Variants in CNTN3 observed in about 807,000 individuals in gnomAD.
CNTN3 encodes contactin-3.
In CNTN3, 60 loss-of-function variants were observed where a neutral mutation model predicts 119.1. The observed-to-expected ratio is 0.50, with a 90% CI of 0.41 to 0.62. The LOEUF is 0.62. Ranked by LOEUF, CNTN3 falls within the 20% of genes least tolerant of loss-of-function variation. The pLI is 0.00. For missense variants in CNTN3, 1,101 were observed against 1,242.4 expected, an observed-to-expected ratio of 0.89 and a Z score of 1.71; for synonymous variants, 450 against 438.7, an observed-to-expected ratio of 1.03 and a Z score of -0.32.
At chr3:74,434,935 A>G (rs1227625937) in intron 4 of CNTN3, among the ~76,000 whole-genome samples, 1 of 152,086 alleles carries the variant, frequency 6.6e-6, no homozygotes, top group African/African-American at 2.4e-5. Flanking sequence ...TCCAATTGCC[A>G]TCTCATATTT....
chr3:74,465,249 C>T (rs9862571), intron 4 of CNTN3, among the ~76,000 whole-genome samples: 82,138 of 151,866 alleles, frequency 0.54, 22,585 homozygotes, highest in Non-Finnish European at 0.57. Flanking sequence ...TGTTCCATTC[C>T]GGGGATACAA....
chr3:74,607,754 T>C (rs1038503346), intron 1 of CNTN3, among the ~76,000 whole-genome samples: 3 of 152,216 alleles, frequency 2.0e-5, no homozygotes, highest in African/African-American at 7.2e-5. Context: ...AAGTGGAATT[T>C]TTCAATGCTA....
chr3:74,329,794 T>C (rs1004257018), intron 13 of CNTN3, among the ~76,000 whole-genome samples: 2 of 152,190 alleles, frequency 1.3e-5, no homozygotes, highest in Non-Finnish European at 2.9e-5. Context: ...TGCTTAAATA[T>C]AGGTATAATA....
chr3:74,314,905 C>A (rs151101231), intron 13 of CNTN3, among the ~76,000 whole-genome samples: 130 of 152,242 alleles, frequency 8.5e-4, no homozygotes, highest in African/African-American at 3.1e-3. Flanking sequence ...AGGCTGAGAC[C>A]TTCTGTACTG....
intron 1 of CNTN3, among the ~76,000 whole-genome samples, chr3:74,604,886 A>G (rs1392787921): frequency 6.6e-6 from 1 of 152,188 alleles, no homozygotes; most frequent in Non-Finnish European, 1.5e-5. Flanking sequence ...TAGCCAAGAT[A>G]TTCAATACAA....
At chr3:74,415,648 T>C (rs1343847933) in intron 5 of CNTN3, among the ~76,000 whole-genome samples, 2 of 152,164 alleles carry the variant, frequency 1.3e-5, no homozygotes, top group Non-Finnish European at 2.9e-5. Context: ...CAGAATGATA[T>C]ACAGACACAA....
chr3:74,334,644 A>G, intron 13 of CNTN3, 91 bp downstream of exon 13: 2 of 1,142,508 alleles, frequency 1.8e-6, no homozygotes, highest in Non-Finnish European at 2.5e-6. Context: ...AAACATTTCT[A>G]GAGCATTGTC....
intron 19 of CNTN3, among the ~76,000 whole-genome samples, chr3:74,289,098 C>T (rs1037502713): frequency 6.6e-6 from 1 of 152,204 alleles, no homozygotes; most frequent in African/African-American, 2.4e-5. Context: ...AAGTTAGCCA[C>T]ACGACTGATA....
chr3:74,388,168 G>C (rs1704803806), intron 5 of CNTN3, among the ~76,000 whole-genome samples: 1 of 152,046 alleles, frequency 6.6e-6, no homozygotes, highest in Non-Finnish European at 1.5e-5. Context: ...AATCATCCTA[G>C]TGTTTCTCAA....
At chr3:74,587,224 A>G (rs1329105602) in intron 1 of CNTN3, among the ~76,000 whole-genome samples, 3 of 152,164 alleles carry the variant, frequency 2.0e-5, no homozygotes, top group Admixed American at 6.5e-5. Flanking sequence ...AGGAAGCCCA[A>G]TTGAGTTCAA....
intron 20 of CNTN3, among the ~76,000 whole-genome samples, chr3:74,269,109 T>C (rs2106746358): frequency 1.3e-5 from 2 of 152,032 alleles, no homozygotes; most frequent in East Asian, 3.9e-4. Flanking sequence ...AACTTTGTTC[T>C]TTTTGAATCA....
At chr3:74,400,213 G>C (rs1394684785) in intron 5 of CNTN3, among the ~76,000 whole-genome samples, 2 of 152,072 alleles carry the variant, frequency 1.3e-5, no homozygotes, top group Non-Finnish European at 2.9e-5. Flanking sequence ...TTAACATAAG[G>C]CTCTTTCTTC....
intron 20 of CNTN3, among the ~76,000 whole-genome samples, chr3:74,278,418 C>G (rs965459325): frequency 6.6e-6 from 1 of 152,004 alleles, no homozygotes; most frequent in South Asian, 2.1e-4. Context: ...GAGCATAGAC[C>G]AATGGAGCAG....
chr3:74,593,016 G>A (rs1321730448), intron 1 of CNTN3, among the ~76,000 whole-genome samples: 1 of 151,920 alleles, frequency 6.6e-6, no homozygotes, highest in Admixed American at 6.6e-5. Context: ...AAACGAATAT[G>A]CAAATTGACT....
intron 16 of CNTN3, among the ~76,000 whole-genome samples, chr3:74,300,429 C>T (rs1450713030): frequency 6.6e-6 from 1 of 152,146 alleles, no homozygotes; most frequent in Non-Finnish European, 1.5e-5. Context: ...GAACTCTAGG[C>T]TTAGTGAACC....
intron 4 of CNTN3, among the ~76,000 whole-genome samples, chr3:74,452,810 G>T (rs1702185537): frequency 6.6e-6 from 1 of 151,782 alleles, no homozygotes; most frequent in Admixed American, 6.6e-5. Context: ...TTATATGCTG[G>T]ATTACATTTA....
rs555740649 is a variant in CNTN3 at position 74,319,415 on chromosome 3, A to T, written c.1668+15320T>A. Among the ~76,000 whole-genome samples, 19 of 152,310 alleles carry T rather than the reference A, an allele frequency of 1.2e-4. No individual in the cohort carries two copies. The East Asian group carries it at 2.7e-3, about 22-fold the overall frequency. On this transcript the variant is annotated intron_variant, in intron 13 of 22. Coordinates refer to ENST00000263665, the MANE Select transcript of CNTN3 (RefSeq NM_020872.3). The stretch of plus-strand genomic sequence containing the variant: ...AACCTGACAAAAACAAGAAATGGGG[A>T]AAGGATTCCCTATTTAATAAATGGT...
intron 11 of CNTN3, among the ~76,000 whole-genome samples, chr3:74,353,752 T>C (rs1041108027): frequency 1.3e-5 from 2 of 151,884 alleles, no homozygotes; most frequent in African/African-American, 2.4e-5. Context: ...CGAGACTCCG[T>C]CTCAAAAAAA....
chr3:74,465,297 G>A (rs1292930400), intron 4 of CNTN3, among the ~76,000 whole-genome samples: 3 of 152,066 alleles, frequency 2.0e-5, no homozygotes, highest in Non-Finnish European at 2.9e-5. Context: ...ATTAAGTATC[G>A]TGCGGACAGG....
Sources: allele counts gnomAD v4.1 joint callset (sites outside exome capture counted in the v4.1 genomes callset), GRCh38; gene constraint gnomAD v4.1.1; transcripts MANE v1.5; gene names NCBI Gene and HGNC (gene_info 2026-07-23, HGNC 2026-07-21).